PHACTR1: variants seen among roughly 807,000 people sequenced by gnomAD.
The protein encoded by PHACTR1 is phosphatase and actin regulator 1.
A neutral mutation model predicts 69.2 loss-of-function variants in PHACTR1; 16 were observed. The observed-to-expected ratio is 0.23, with a 90% CI of 0.16 to 0.35. The LOEUF (loss-of-function observed/expected upper bound fraction) is 0.35, where lower values mean the gene tolerates loss of function less well. PHACTR1 is among the 10% of genes least tolerant of loss of function. The pLI is 1.00. For synonymous variants in PHACTR1, 312 were observed against 284.5 expected (o/e 1.10, Z -0.97); for missense variants, 510 against 734.7 (o/e 0.69, Z 3.54).
Position 12,945,696 on chromosome 6 carries a change from GC to G in PHACTR1, c.251-107668del, listed in dbSNP as rs547596252. ...TGCTGAAGTTCAGCTGGGTACAGTG[GC>G]TCATGACTGTAATCCCAGCATTTTG... On this transcript the variant is annotated intron_variant, in intron 4 of 14. Transcript: ENST00000332995. Among the ~76,000 whole-genome samples, 556 of 152,116 alleles carry G rather than the reference GC, an allele frequency of 3.7e-3. 3 individuals are homozygous for G. Among genetic ancestry groups the G allele is most frequent in the African/African-American group, 0.013 (521 of 41,512 alleles).
intron 4 of PHACTR1, among the ~76,000 whole-genome samples, chr6:12,858,180 G>C (rs1019805352): frequency 6.6e-6 from 1 of 152,170 alleles, no homozygotes; most frequent in African/African-American, 2.4e-5. Flanking sequence ...GGGACCTCAC[G>C]AGGTGACATT....
chr6:13,194,828 G>T (rs570267903), intron 7 of PHACTR1, among the ~76,000 whole-genome samples: 5 of 152,022 alleles, frequency 3.3e-5, no homozygotes, highest in Non-Finnish European at 7.4e-5. Flanking sequence ...GTAGAAAGCG[G>T]CTCTGAAACT....
At chr6:12,985,523 CA>C (rs1796039897) in intron 4 of PHACTR1, among the ~76,000 whole-genome samples, 3 of 95,194 alleles carry the variant, frequency 3.2e-5, no homozygotes, top group African/African-American at 1.6e-4. Flanking sequence ...TAAAGTACTA[CA>C]AATTAAAAAA....
intron 8 of PHACTR1, among the ~76,000 whole-genome samples, chr6:13,216,146 C>T (rs1331178621): frequency 2.0e-5 from 3 of 152,184 alleles, no homozygotes; most frequent in Admixed American, 6.5e-5. Flanking sequence ...TCAAATCCCT[C>T]CAAGCTCTAG....
intron 4 of PHACTR1, among the ~76,000 whole-genome samples, chr6:12,858,389 A>G (rs1180906606): frequency 2.6e-5 from 4 of 152,206 alleles, no homozygotes; most frequent in African/African-American, 9.7e-5. Flanking sequence ...CCAGTGCCCT[A>G]GTTATTTACA....
chr6:12,939,362 G>C (rs2127538957), intron 4 of PHACTR1, among the ~76,000 whole-genome samples: 1 of 152,272 alleles, frequency 6.6e-6, no homozygotes. Context: ...ACAAGAAGCA[G>C]TTTGGCATAG....
intron 4 of PHACTR1, among the ~76,000 whole-genome samples, chr6:12,789,823 C>T (rs576949720): frequency 2.0e-5 from 3 of 151,434 alleles, no homozygotes; most frequent in East Asian, 1.9e-4. Flanking sequence ...ATGTGCACAA[C>T]GTGCAGGTTA....
At chr6:13,113,317 T>TC (rs1475950660) in intron 5 of PHACTR1, among the ~76,000 whole-genome samples, 9 of 152,094 alleles carry the variant, frequency 5.9e-5, no homozygotes, top group African/African-American at 2.2e-4. Flanking sequence ...ATAAATTGAA[T>TC]CATTAGATAG....
At chr6:13,089,172 G>A (rs1438875424) in intron 5 of PHACTR1, among the ~76,000 whole-genome samples, 2 of 152,188 alleles carry the variant, frequency 1.3e-5, no homozygotes, top group East Asian at 1.9e-4. Context: ...GTTTGCCCCC[G>A]TCTCTTCCTG....
intron 4 of PHACTR1, among the ~76,000 whole-genome samples, chr6:12,973,475 G>C (rs1475733360): frequency 6.6e-6 from 1 of 152,184 alleles, no homozygotes; most frequent in African/African-American, 2.4e-5. Context: ...CATGACAAAG[G>C]AATGTGGAAA....
intron 5 of PHACTR1, among the ~76,000 whole-genome samples, chr6:13,104,128 AC>A (rs1199081385): frequency 6.6e-6 from 1 of 152,184 alleles, no homozygotes; most frequent in Non-Finnish European, 1.5e-5. Context: ...AAAGAATTTC[AC>A]CTATTTTTTC....
At chr6:13,257,769 C>A (rs1226505147) in intron 10 of PHACTR1, among the ~76,000 whole-genome samples, 1 of 152,108 alleles carries the variant, frequency 6.6e-6, no homozygotes, top group Non-Finnish European at 1.5e-5. Flanking sequence ...TGCATGTCCA[C>A]CCACCTATTG....
Position 13,149,315 on chromosome 6 carries a change from C to T in PHACTR1, c.416-10889C>T, listed in dbSNP as rs532207292. Among the ~76,000 whole-genome samples, 10 of 152,248 alleles carry T rather than the reference C, an allele frequency of 6.6e-5. No homozygotes were observed. The East Asian group carries it at 1.9e-3, about 29-fold the overall frequency. On this transcript the variant is annotated intron_variant, in intron 5 of 14. Coordinates refer to ENST00000332995, the MANE Select transcript of PHACTR1 (RefSeq NM_030948.6). ...CACTGCTTCCTTTATTCCAAGTCTT[C>T]TCAGGGCCTTCAGTGTGCTAATGAA...
At chr6:12,863,566 A>C (rs1366390045) in intron 4 of PHACTR1, among the ~76,000 whole-genome samples, 1 of 152,244 alleles carries the variant, frequency 6.6e-6, no homozygotes, top group Non-Finnish European at 1.5e-5. Flanking sequence ...AGGAGGTGAG[A>C]TTATGAAATG....
Position 13,123,544 on chromosome 6 carries a change from G to A in PHACTR1, c.416-36660G>A, listed in dbSNP as rs906696149. Among the ~76,000 whole-genome samples, 10 of 152,302 alleles carry A rather than the reference G, an allele frequency of 6.6e-5. 1 individual carries two copies. In the South Asian group the frequency reaches 1.0e-3, roughly 16 times the overall value. Reference sequence around the variant, plus strand: ...TAGATCCTACAGCCAGCTTTGATGAGGGAAAATGAAAGTCATTAATATCCT... The same window carrying A: ...TAGATCCTACAGCCAGCTTTGATGAAGGAAAATGAAAGTCATTAATATCCT... On this transcript the variant is annotated intron_variant, in intron 5 of 14. Transcript: ENST00000332995.
At chr6:12,975,863 G>A (rs2127587241) in intron 4 of PHACTR1, among the ~76,000 whole-genome samples, 1 of 152,362 alleles carries the variant, frequency 6.6e-6, no homozygotes, top group Admixed American at 6.5e-5. Context: ...GGGATTACAG[G>A]CATGAGCTGC....
chr6:13,148,918 T>A (rs1823862037), intron 5 of PHACTR1, among the ~76,000 whole-genome samples: 1 of 152,238 alleles, frequency 6.6e-6, no homozygotes. Flanking sequence ...CTCTACTGAC[T>A]GAAGTTTCTA....
chr6:13,089,015 TG>T (rs1812771333), intron 5 of PHACTR1, among the ~76,000 whole-genome samples: 1 of 152,068 alleles, frequency 6.6e-6, no homozygotes. Flanking sequence ...TGCCAAGAGG[TG>T]ATAGGAAGGG....
At chr6:13,138,569 G>T (rs1356822041) in intron 5 of PHACTR1, among the ~76,000 whole-genome samples, 2 of 152,152 alleles carry the variant, frequency 1.3e-5, no homozygotes, top group Non-Finnish European at 2.9e-5. Flanking sequence ...AAAAGTGGGT[G>T]AAATCATTTG....
Sources: gnomAD v4.1 joint callset for allele counts (sites outside exome capture counted in the v4.1 genomes callset) on GRCh38, gnomAD v4.1.1 for gene constraint, MANE v1.5 for transcripts, NCBI Gene and HGNC (gene_info 2026-07-23, HGNC 2026-07-21) for gene names.